Variants in MAP2K2 observed in about 807,000 individuals in gnomAD.
MAP2K2 encodes the protein dual specificity mitogen-activated protein kinase kinase 2.
MAP2K2 carries 24 observed loss-of-function variants against 43.7 expected under a neutral mutation model. The ratio of observed to expected loss-of-function variants is 0.55; its 90% CI spans 0.40 to 0.77. MAP2K2 has a LOEUF of 0.77. MAP2K2 is among the 30% of genes least tolerant of loss of function. The pLI is 0.00. For synonymous variants in MAP2K2, 244 were observed against 239.7 expected, an observed-to-expected ratio of 1.02 and a Z score of -0.17; for missense variants, 470 against 566.8, an observed-to-expected ratio of 0.83 and a Z score of 1.73.
chr19:4,090,611 CGCGTGGGTGT>C lies in MAP2K2; in HGVS notation c.1180_1189del (p.Thr394AlafsTer29). On this transcript the variant is annotated frameshift_variant, in exon 11 of 11. Transcript: ENST00000262948. LOFTEE classifies it high-confidence loss of function. ...GCCCGGCCACTGTCACACGGCGGTG[CGCGTGGGTGT>C]GCCGGGCTGGTTCAGCCGCAGGGTT... 1 of 1,551,382 alleles carries C rather than the reference CGCGTGGGTGT, an allele frequency of 6.4e-7. No homozygotes were observed. Among genetic ancestry groups the C allele is most frequent in the South Asian group, 1.2e-5 (1 of 84,154 alleles).
chr19:4,120,101 G>A (rs2041273490), intron 1 of MAP2K2, among the ~76,000 whole-genome samples: 1 of 152,198 alleles, frequency 6.6e-6, no homozygotes, highest in Non-Finnish European at 1.5e-5. Context: ...ACAGGGGTGG[G>A]GGAACCTGCC....
chr19:4,094,863 C>T (rs1258704803), intron 9 of MAP2K2: 1 of 420,188 alleles, frequency 2.4e-6, no homozygotes, highest in African/African-American at 2.0e-5. Flanking sequence ...AACTCCGGCA[C>T]CAGGAGTGCG....
rs972709764 is a variant in MAP2K2, at chr19:4,097,341, G to A, written c.922C>T (p.His308Tyr). The A allele has an allele frequency of 6.2e-7, 1 of 1,612,104 alleles. No homozygotes were observed. Among genetic ancestry groups the A allele is most frequent in the South Asian group, 1.1e-5 (1 of 91,060 alleles). The change falls in exon 8 of 11, where the codon CAC becomes TAC. Residue 308 changes from histidine to tyrosine, a missense_variant and splice_region_variant. This residue lies in a region of MAP2K2 where 212 missense variants were observed against 220.8 expected (regional missense o/e 0.96). Transcript: ENST00000262948. ...ATGGCAGGCCGGCTATCCATCCCGT[G>A]ACCTGCACAGGGAGAGAGATGGAGG... ...PRPPGRPVSG[H>Y]GMDSRPAMAI...
Position 4,102,390 on chromosome 19 carries a change from TC to T in MAP2K2, c.513del (p.Val173SerfsTer23), listed in dbSNP as rs2145057503. ...EAKRIPEEIL[G>X]KVSIAVLRGL... ...GGTGGACTCACCGCGATGCTGACTT[TC>T]CCCAGGATCTCCTCGGGAATCCTCT... On this transcript the variant is annotated frameshift_variant, in exon 4 of 11. Coordinates refer to ENST00000262948, the MANE Select transcript of MAP2K2 (RefSeq NM_030662.4). LOFTEE classifies it high-confidence loss of function. 1 of 1,603,670 alleles carries T rather than the reference TC, an allele frequency of 6.2e-7. No homozygotes were observed.
intron 1 of MAP2K2, among the ~76,000 whole-genome samples, 200 bp downstream of exon 1, chr19:4,123,559 TGCCCCGTCCTCCCCCGAGGGCCCCC>T (rs2041328532): frequency 2.7e-4 from 3 of 11,144 alleles, no homozygotes; most frequent in Non-Finnish European, 7.0e-4. Flanking sequence ...GAGGGCCCCC[TGCCCCGTCCTCCCCCGAGGGCCCCC>T]TGCCCCGTCC....
intron 1 of MAP2K2, among the ~76,000 whole-genome samples, chr19:4,118,197 C>G (rs1234903322): frequency 2.6e-5 from 4 of 152,186 alleles, no homozygotes; most frequent in Admixed American, 2.6e-4. Flanking sequence ...CTCAGCCTCT[C>G]AAAGTGCTGG....
rs926236977 is a variant in MAP2K2, at chr19:4,101,349, G to A, written c.529-69C>T. The A allele has an allele frequency of 6.0e-6, 9 of 1,510,616 alleles. No homozygotes were observed. In the Admixed American group the frequency reaches 9.8e-5, roughly 16 times the overall value. 93.6% of individuals were successfully genotyped at this position (1,510,616 alleles called of 1,614,324 possible). A position where few individuals can be genotyped will look rare whatever the true frequency, so the allele number is the denominator to read the frequency against. On this transcript the variant is annotated intron_variant, in intron 4 of 10. Coordinates refer to ENST00000262948, the MANE Select transcript of MAP2K2 (RefSeq NM_030662.4). The surrounding 1 kb of genome is among the most constrained non-coding windows in gnomAD (Gnocchi z 6.3). Reference sequence around the variant, plus strand: ...GCTTAGCTCCTGACCGAGCCCGGGGGTCAGAGCTGAGCAGTCAGAGCTGGA... The same window carrying A: ...GCTTAGCTCCTGACCGAGCCCGGGGATCAGAGCTGAGCAGTCAGAGCTGGA...
At chr19:4,108,389 C>T (rs924175603) in intron 3 of MAP2K2, among the ~76,000 whole-genome samples, 8 of 151,854 alleles carry the variant, frequency 5.3e-5, no homozygotes, top group Admixed American at 2.6e-4. Context: ...TACAGGCACC[C>T]GCCACCATGC....
At chr19:4,112,127 GCAATAAGACAA>G (rs1277520693) in intron 2 of MAP2K2, among the ~76,000 whole-genome samples, 1 of 152,238 alleles carries the variant, frequency 6.6e-6, no homozygotes, top group Non-Finnish European at 1.5e-5. Flanking sequence ...TCCAGCCACT[GCAATAAGACAA>G]GAAAAAGACA....
intron 3 of MAP2K2, among the ~76,000 whole-genome samples, chr19:4,104,363 T>A (rs1252397570): frequency 6.6e-6 from 1 of 150,568 alleles, no homozygotes; most frequent in Non-Finnish European, 1.5e-5. Flanking sequence ...CTGAGGAGTT[T>A]GAGACCATCC....
chr19:4,110,735 GC>G, intron 2 of MAP2K2, 80 bp from the exon 3 acceptor site: 5 of 1,517,458 alleles, frequency 3.3e-6, no homozygotes, highest in Non-Finnish European at 4.5e-6. Flanking sequence ...TGCTCTGCAG[GC>G]GTTCCCAACA....
intron 3 of MAP2K2, among the ~76,000 whole-genome samples, chr19:4,105,488 G>A (rs1599295316): frequency 6.6e-6 from 1 of 151,974 alleles, no homozygotes; most frequent in African/African-American, 2.4e-5. Context: ...TAGCCAGGAT[G>A]GTCTCGATCT....
intron 1 of MAP2K2, 54 bp from the exon 2 acceptor site, chr19:4,117,683 C>CACATAGCAAACGGCCAGAT: frequency 1.3e-6 from 2 of 1,552,550 alleles, no homozygotes; most frequent in Non-Finnish European, 1.8e-6. Context: ...TCCATCTGGC[C>CACATAGCAAACGGCCAGAT]GTTTGCTATG....
intron 3 of MAP2K2, among the ~76,000 whole-genome samples, chr19:4,105,638 T>C (rs905872150): frequency 6.6e-6 from 1 of 152,108 alleles, no homozygotes; most frequent in Admixed American, 6.6e-5. Context: ...ACTTCCACCA[T>C]TCCCCCCTCA....
In MAP2K2 at chr19:4,099,316, G is replaced by C. The variant is rs886038700; in HGVS notation, c.804C>G (p.Pro268=). ...VELAVGRYPI[P]PPDAKELEAI... Reference sequence around the variant, plus strand: ...CCTCCAGCTCTTTGGCGTCGGGCGGGGGGATGGGGTACCTTCCGACGGCCA... The same window carrying C: ...CCTCCAGCTCTTTGGCGTCGGGCGGCGGGATGGGGTACCTTCCGACGGCCA... The change falls in exon 7 of 11, where the codon CCC becomes CCG. Residue 268 remains proline, a synonymous_variant. Transcript: ENST00000262948. 1 of 1,608,398 alleles carries C rather than the reference G, an allele frequency of 6.2e-7. No homozygotes were observed.
chr19:4,092,260 T>C (rs2040861318), intron 10 of MAP2K2, among the ~76,000 whole-genome samples: 1 of 152,136 alleles, frequency 6.6e-6, no homozygotes, highest in Admixed American at 6.5e-5. Flanking sequence ...CTTGGCTAGG[T>C]CCAGGATACC....
intron 10 of MAP2K2, among the ~76,000 whole-genome samples, chr19:4,093,966 C>T (rs998326387): frequency 6.6e-6 from 1 of 151,932 alleles, no homozygotes; most frequent in Non-Finnish European, 1.5e-5. Flanking sequence ...GCTGGGGAGG[C>T]GAGTTTTGGT....
At chr19:4,090,794 G>A in intron 10 of MAP2K2, 86 bp from the exon 11 acceptor site, 1 of 898,542 alleles carries the variant, frequency 1.1e-6, no homozygotes, top group Non-Finnish European at 1.8e-6. Flanking sequence ...CCTGGCAGAT[G>A]GTACGGGACA....
intron 3 of MAP2K2, among the ~76,000 whole-genome samples, chr19:4,105,003 G>A (rs2041065048): frequency 6.6e-6 from 1 of 152,182 alleles, no homozygotes; most frequent in African/African-American, 2.4e-5. Flanking sequence ...ACTGCCCCTG[G>A]TTGAGAAGGG....
Sources: gnomAD v4.1 joint callset for allele counts (sites outside exome capture counted in the v4.1 genomes callset) on GRCh38, gnomAD v4.1.1 for gene constraint, gnomAD v4.1.1 regional missense constraint, Gnocchi (gnomAD v3.1) non-coding constraint, MANE v1.5 for transcripts, NCBI Gene and HGNC (gene_info 2026-07-23, HGNC 2026-07-21) for gene names.